The following ATP9B variants were observed in gnomAD, a reference collection of about 807,000 sequenced individuals.
ATP9B encodes ATPase phospholipid transporting 9B.
A neutral mutation model predicts 146.1 loss-of-function variants in ATP9B; 110 were observed. The ratio of observed to expected loss-of-function variants is 0.75; its 90% CI spans 0.65 to 0.88. The LOEUF is 0.88. ATP9B is among the 40% of genes least tolerant of loss of function. The pLI, the probability that ATP9B is intolerant of heterozygous loss-of-function variation, is 0.00. For missense variants in ATP9B, 1,499 were observed against 1,496.4 expected, an observed-to-expected ratio of 1.00 and a Z score of -0.03; for synonymous variants, 604 against 569.7, an observed-to-expected ratio of 1.06 and a Z score of -0.86.
At chr18:79,281,800 G>T (rs1161868235) in intron 13 of ATP9B, among the ~76,000 whole-genome samples, 1 of 152,226 alleles carries the variant, frequency 6.6e-6, no homozygotes, top group African/African-American at 2.4e-5. Flanking sequence ...AAGGCAGGCG[G>T]ATCACCGGAG....
intron 7 of ATP9B, among the ~76,000 whole-genome samples, chr18:79,170,857 ATT>A (rs1459151342): frequency 6.6e-6 from 1 of 152,218 alleles, no homozygotes; most frequent in Non-Finnish European, 1.5e-5. Context: ...TATTCAGTTT[ATT>A]AAGTTGTAGG....
chr18:79,205,481 C>CT (rs374278987), intron 9 of ATP9B, among the ~76,000 whole-genome samples: 80 of 146,786 alleles, frequency 5.5e-4, no homozygotes, highest in Middle Eastern at 7.0e-3. Context: ...AATTTGATTT[C>CT]TTTTTTTTTT....
intron 7 of ATP9B, among the ~76,000 whole-genome samples, chr18:79,162,168 A>G (rs1419198357): frequency 1.3e-5 from 2 of 152,214 alleles, no homozygotes; most frequent in Non-Finnish European, 2.9e-5. Context: ...GGTATGATGG[A>G]AGTCCTAAGT....
intron 11 of ATP9B, among the ~76,000 whole-genome samples, 164 bp from the exon 12 acceptor site, chr18:79,253,217 C>G (rs2096047487): frequency 6.6e-6 from 1 of 152,160 alleles, no homozygotes; most frequent in Non-Finnish European, 1.5e-5. Context: ...GATCATGATT[C>G]ATTTCTAGAA....
At chr18:79,085,945 CTT>C (rs747044098) in intron 1 of ATP9B, 4 of 151,628 alleles carry the variant, frequency 2.6e-5, no homozygotes, top group South Asian at 2.1e-4. Flanking sequence ...AATCATAAAA[CTT>C]TGATAATTAT....
At chr18:79,275,887 T>C (rs1032406520) in intron 12 of ATP9B, among the ~76,000 whole-genome samples, 2 of 152,264 alleles carry the variant, frequency 1.3e-5, no homozygotes, top group Non-Finnish European at 2.9e-5. Context: ...TTTTAAGATA[T>C]GAACTCTATG....
At chr18:79,088,677 GTCT>G (rs891596078) in intron 1 of ATP9B, among the ~76,000 whole-genome samples, 6 of 152,242 alleles carry the variant, frequency 3.9e-5, no homozygotes, top group Non-Finnish European at 5.9e-5. Context: ...TTCAACAAAG[GTCT>G]TCTTTGTGAT....
At chr18:79,255,469 C>A (rs2096068503) in intron 12 of ATP9B, among the ~76,000 whole-genome samples, 1 of 152,222 alleles carries the variant, frequency 6.6e-6, no homozygotes, top group Non-Finnish European at 1.5e-5. Flanking sequence ...TCTCCATACA[C>A]ATGAATGAGC....
At chr18:79,269,962 G>C (rs560652818) in intron 12 of ATP9B, among the ~76,000 whole-genome samples, 58 of 152,198 alleles carry the variant, frequency 3.8e-4, no homozygotes, top group Non-Finnish European at 6.5e-4. Context: ...ACCTTGAAAA[G>C]CTCCTGCTTA....
At chr18:79,326,406 A>G (rs986498645) in intron 15 of ATP9B, among the ~76,000 whole-genome samples, 2 of 133,190 alleles carry the variant, frequency 1.5e-5, no homozygotes. Context: ...TTAGGGTGTC[A>G]TCTCTGTACC....
intron 11 of ATP9B, among the ~76,000 whole-genome samples, chr18:79,223,329 A>C (rs897126486): frequency 6.6e-6 from 1 of 152,186 alleles, no homozygotes; most frequent in Non-Finnish European, 1.5e-5. Context: ...ATTACAATAA[A>C]ATAACTTATT....
chr18:79,273,042 T>C (rs2096272019), intron 12 of ATP9B, among the ~76,000 whole-genome samples: 1 of 152,224 alleles, frequency 6.6e-6, no homozygotes, highest in Non-Finnish European at 1.5e-5. Flanking sequence ...TTACTCTTGG[T>C]GTCTGGCTGC....
At chr18:79,238,872 A>G (rs557885845) in intron 11 of ATP9B, among the ~76,000 whole-genome samples, 16 of 151,542 alleles carry the variant, frequency 1.1e-4, no homozygotes, top group Admixed American at 2.6e-4. Context: ...AAGCGGATGC[A>G]GTGACGCAGA....
intron 12 of ATP9B, among the ~76,000 whole-genome samples, chr18:79,273,758 T>C (rs1357977438): frequency 1.3e-5 from 2 of 152,196 alleles, no homozygotes; most frequent in East Asian, 3.9e-4. Flanking sequence ...TTCAAATTTT[T>C]CAGAGTCCAA....
At chr18:79,171,356 ATAGTT>A (rs771122981) in intron 7 of ATP9B, among the ~76,000 whole-genome samples, 76 of 152,342 alleles carry the variant, frequency 5.0e-4, no homozygotes, top group South Asian at 1.4e-3. Context: ...TTATACTAGT[ATAGTT>A]GAGTTATATA....
intron 26 of ATP9B, chr18:79,360,477 A>G (rs1174824772): frequency 3.9e-5 from 6 of 152,196 alleles, no homozygotes; most frequent in Admixed American, 3.9e-4. Flanking sequence ...CTGAGAAACT[A>G]GACTCCTGTC....
At chr18:79,311,898 C>A (rs1388302723) in intron 15 of ATP9B, among the ~76,000 whole-genome samples, 1 of 152,210 alleles carries the variant, frequency 6.6e-6, no homozygotes. Flanking sequence ...TTCTGTGTTT[C>A]ATTGAGCCTT....
chr18:79,211,077 A>G (rs1015064043), intron 10 of ATP9B, among the ~76,000 whole-genome samples: 11 of 152,252 alleles, frequency 7.2e-5, no homozygotes, highest in Admixed American at 2.0e-4. Flanking sequence ...ATCAGTGGTT[A>G]GAAATAGCAA....
At chr18:79,104,291 T>C (rs759229214) in intron 2 of ATP9B, among the ~76,000 whole-genome samples, 3 of 152,050 alleles carry the variant, frequency 2.0e-5, no homozygotes, top group Non-Finnish European at 2.9e-5. Context: ...TCACTGGGTA[T>C]TGGGGGAGAC....
Sources: allele counts gnomAD v4.1 joint callset (sites outside exome capture counted in the v4.1 genomes callset), GRCh38; gene constraint gnomAD v4.1.1; transcripts MANE v1.5; gene names NCBI Gene and HGNC (gene_info 2026-07-23, HGNC 2026-07-21).